The following SGCZ variants were observed in gnomAD, a reference collection of about 807,000 sequenced individuals.
The protein encoded by SGCZ is sarcoglycan zeta.
A neutral mutation model predicts 41.3 loss-of-function variants in SGCZ; 40 were observed. The observed-to-expected ratio is 0.97, with a 90% confidence interval of 0.75 to 1.26. The LOEUF (loss-of-function observed/expected upper bound fraction) is 1.26, where lower values mean the gene tolerates loss of function less well. Among genes scored for constraint, SGCZ ranks in the 50% most tolerant of loss-of-function variants. The pLI is 0.00. For missense variants in SGCZ, 552 were observed against 369.8 expected, an observed-to-expected ratio of 1.49 and a Z score of -4.04; for synonymous variants, 206 against 137.5, an observed-to-expected ratio of 1.50 and a Z score of -3.49.
intron 3 of SGCZ, among the ~76,000 whole-genome samples, chr8:14,281,838 A>G (rs935606320): frequency 1.4e-5 from 2 of 145,204 alleles, no homozygotes; most frequent in African/African-American, 2.5e-5. Flanking sequence ...TCTTGGAGAC[A>G]TAAATTAAGT....
chr8:14,167,459 T>C (rs906987413), intron 4 of SGCZ, among the ~76,000 whole-genome samples: 3 of 152,230 alleles, frequency 2.0e-5, no homozygotes, highest in African/African-American at 7.2e-5. Context: ...ATTTTCTTAG[T>C]CATCTTAAAC....
At chr8:14,564,255 G>A (rs1367285441) in intron 1 of SGCZ, among the ~76,000 whole-genome samples, 1 of 152,160 alleles carries the variant, frequency 6.6e-6, no homozygotes, top group Non-Finnish European at 1.5e-5. Flanking sequence ...TCCTTACTGG[G>A]AGTGTTGATA....
intron 2 of SGCZ, among the ~76,000 whole-genome samples, chr8:14,550,785 A>G (rs1380931432): frequency 1.3e-5 from 2 of 152,026 alleles, no homozygotes; most frequent in African/African-American, 4.8e-5. Context: ...ATAAAAAATT[A>G]CCTGCCTTTC....
intron 1 of SGCZ, among the ~76,000 whole-genome samples, chr8:15,207,831 G>A (rs1393517899): frequency 6.6e-6 from 1 of 152,138 alleles, no homozygotes; most frequent in African/African-American, 2.4e-5. Context: ...ATCTGAATAA[G>A]CTCAAAAGGA....
chr8:14,165,648 A>G (rs938684740), intron 4 of SGCZ, among the ~76,000 whole-genome samples: 1 of 152,126 alleles, frequency 6.6e-6, no homozygotes, highest in Non-Finnish European at 1.5e-5. Flanking sequence ...TTCTATTTAT[A>G]TTAAAAGCTC....
chr8:14,270,596 C>A lies in SGCZ; in HGVS notation c.337-32917G>T, dbSNP rs149872914. Among the ~76,000 whole-genome samples, 40 of 152,190 alleles carry A rather than the reference C, an allele frequency of 2.6e-4. 1 individual carries two copies. The highest frequency in any genetic ancestry group is 2.6e-3 in the Admixed American group (39 of 15,286). On this transcript the variant is annotated intron_variant, in intron 3 of 7. Transcript: ENST00000382080. Reference sequence around the variant, plus strand: ...GATTTAATATATCTGGGAGCTATAACAGCTAAGATTGGGTTGTGTGAAGCC... The same window carrying A: ...GATTTAATATATCTGGGAGCTATAAAAGCTAAGATTGGGTTGTGTGAAGCC...
rs1799873418 is a variant in SGCZ, at chr8:14,929,773, AACAG to A, written c.39+307808_39+307811del. Reference sequence around the variant, plus strand: ...GTAATTAATGTCTTTATTGCCCAGAAACAGATAACACCTTAACATTAGAAGGATA... The same window carrying A: ...GTAATTAATGTCTTTATTGCCCAGAAATAACACCTTAACATTAGAAGGATA... On this transcript the variant is annotated intron_variant, in intron 1 of 7. Coordinates refer to ENST00000382080, the MANE Select transcript of SGCZ (RefSeq NM_139167.4). Among the ~76,000 whole-genome samples the A allele has an allele frequency of 2.6e-5, 4 of 152,174 alleles. No homozygotes were observed. The South Asian group carries it at 8.3e-4, about 31-fold the overall frequency.
chr8:14,526,703 T>C (rs1802960121), intron 2 of SGCZ, among the ~76,000 whole-genome samples: 1 of 152,124 alleles, frequency 6.6e-6, no homozygotes, highest in Non-Finnish European at 1.5e-5. Context: ...AGTAGTTTCA[T>C]TGTTCTGAGA....
At chr8:14,923,343 A>T (rs921193848) in intron 1 of SGCZ, among the ~76,000 whole-genome samples, 1 of 152,208 alleles carries the variant, frequency 6.6e-6, no homozygotes, top group Admixed American at 6.5e-5. Context: ...TCTACTAAAA[A>T]TACACAAATT....
rs547567862 is a variant in SGCZ at position 14,761,140 on chromosome 8, G to A, written c.40-206214C>T. Among the ~76,000 whole-genome samples the A allele has an allele frequency of 2.0e-4, 30 of 152,276 alleles. No homozygotes were observed. In the South Asian group the frequency reaches 6.2e-3, roughly 32 times the overall value. ...AATTAAAGATAATTATTCTGTCACA[G>A]TGCTTTCACGGTCTTCGCTAATTCA... On this transcript the variant is annotated intron_variant, in intron 1 of 7. Coordinates refer to ENST00000382080, the MANE Select transcript of SGCZ (RefSeq NM_139167.4).
chr8:14,170,330 C>T (rs538157616), intron 4 of SGCZ, among the ~76,000 whole-genome samples: 2 of 152,202 alleles, frequency 1.3e-5, no homozygotes, highest in Non-Finnish European at 2.9e-5. Context: ...AGGTAAACTA[C>T]ATTTCTATTT....
At chr8:14,425,439 GA>G (rs1427737801) in intron 2 of SGCZ, among the ~76,000 whole-genome samples, 1 of 152,002 alleles carries the variant, frequency 6.6e-6, no homozygotes, top group Non-Finnish European at 1.5e-5. Context: ...TGGCCAACAT[GA>G]TGAAACCCCA....
At chr8:15,028,796 T>C (rs1032118266) in intron 1 of SGCZ, among the ~76,000 whole-genome samples, 25 of 152,078 alleles carry the variant, frequency 1.6e-4, no homozygotes, top group Admixed American at 1.5e-3. Context: ...AAAGACTACA[T>C]ACTTCTTCCT....
intron 1 of SGCZ, among the ~76,000 whole-genome samples, chr8:14,636,067 G>C (rs73664418): frequency 0.034 from 5,085 of 150,298 alleles, 276 homozygotes; most frequent in African/African-American, 0.12. Context: ...CTAGTAAAGG[G>C]GCAATTGAAA....
intron 2 of SGCZ, among the ~76,000 whole-genome samples, chr8:14,538,119 T>A (rs75022992): frequency 0.026 from 3,931 of 152,022 alleles, 152 homozygotes; most frequent in African/African-American, 0.089. Flanking sequence ...TGGTGCATAT[T>A]TCGAAATATC....
At chr8:14,971,523 G>T (rs1459179833) in intron 1 of SGCZ, among the ~76,000 whole-genome samples, 1 of 151,658 alleles carries the variant, frequency 6.6e-6, no homozygotes, top group African/African-American at 2.4e-5. Context: ...GACAGTTTAA[G>T]AGCATTTATT....
chr8:14,238,358 A>T (rs767991610), intron 3 of SGCZ, among the ~76,000 whole-genome samples: 7 of 152,228 alleles, frequency 4.6e-5, no homozygotes, highest in Non-Finnish European at 7.3e-5. Flanking sequence ...GAGTAGATAA[A>T]AAAATCTTCA....
At chr8:14,184,287 C>A (rs1410870481) in intron 4 of SGCZ, among the ~76,000 whole-genome samples, 3 of 152,080 alleles carry the variant, frequency 2.0e-5, no homozygotes, top group African/African-American at 7.2e-5. Context: ...AATATTCCCA[C>A]CCCCAATAGC....
intron 1 of SGCZ, among the ~76,000 whole-genome samples, chr8:15,210,647 T>C (rs945584666): frequency 6.6e-6 from 1 of 152,160 alleles, no homozygotes; most frequent in Non-Finnish European, 1.5e-5. Context: ...TAAATACCTA[T>C]GCAAAGTATG....
Sources: gnomAD v4.1 joint callset for allele counts (sites outside exome capture counted in the v4.1 genomes callset) on GRCh38, gnomAD v4.1.1 for gene constraint, MANE v1.5 for transcripts, NCBI Gene and HGNC (gene_info 2026-07-23, HGNC 2026-07-21) for gene names.